The following ACOT7 variants were observed in gnomAD, a reference collection of about 807,000 sequenced individuals.
ACOT7 encodes acyl-CoA thioesterase 7.
In ACOT7, 12 loss-of-function variants were observed where a neutral mutation model predicts 40.2. The observed-to-expected ratio is 0.30, with a 90% CI of 0.19 to 0.48. The LOEUF (loss-of-function observed/expected upper bound fraction) is 0.48, where lower values mean the gene tolerates loss of function less well. Among genes scored for constraint, ACOT7 ranks in the 20% least tolerant of loss-of-function variants. The pLI is 0.99. For missense variants in ACOT7, 395 were observed against 530.8 expected (o/e 0.74, Z 2.51); for synonymous variants, 228 against 219.5 (o/e 1.04, Z -0.34).
chr1:6,271,400 T>C (rs970952443), intron 8 of ACOT7, among the ~76,000 whole-genome samples: 14 of 152,288 alleles, frequency 9.2e-5, no homozygotes, highest in Non-Finnish European at 1.8e-4. Context: ...CTCCCTGTTA[T>C]AACAGGAGAC....
At chr1:6,290,012 T>C (rs544868987) in intron 7 of ACOT7, among the ~76,000 whole-genome samples, 12 of 152,110 alleles carry the variant, frequency 7.9e-5, no homozygotes, top group African/African-American at 2.2e-4. Context: ...GATGGGAAGA[T>C]TGTTCTGGGG....
At chr1:6,272,344 T>C (rs1381343199) in intron 8 of ACOT7, among the ~76,000 whole-genome samples, 1 of 152,252 alleles carries the variant, frequency 6.6e-6, no homozygotes, top group Non-Finnish European at 1.5e-5. Context: ...CCAGTACTTC[T>C]GCTCAATGAA....
At chr1:6,329,988 C>A (rs547004518) in intron 4 of ACOT7, among the ~76,000 whole-genome samples, 15 of 152,252 alleles carry the variant, frequency 9.9e-5, no homozygotes, top group African/African-American at 3.1e-4. Context: ...ACATCCTGCG[C>A]TAGACGACTG....
intron 4 of ACOT7, among the ~76,000 whole-genome samples, chr1:6,328,326 A>G (rs565819628): frequency 1.3e-5 from 2 of 152,270 alleles, no homozygotes; most frequent in East Asian, 3.9e-4. Context: ...AATGAATCAC[A>G]GGGGTTTTGA....
chr1:6,306,357 G>A lies in ACOT7; in HGVS notation c.713-11377C>T. The A allele has an allele frequency of 1.0e-6, 1 of 985,386 alleles. No homozygotes were observed. The highest frequency in any genetic ancestry group is 1.2e-6 in the Non-Finnish European group (1 of 829,922). The allele number at this position is 985,386 out of a possible 1,614,324, so 61.0% of individuals were successfully genotyped here. On this transcript the variant is annotated intron_variant, in intron 6 of 8. Transcript: ENST00000361521. The surrounding 1 kb of genome is among the most constrained non-coding windows in gnomAD (Gnocchi z 4.3). Reference sequence around the variant, plus strand: ...CCACCAGGGACCCGGCTGAGAGGAGGACCCAGTGTGGGCAGGACAAAGTGA... The same window carrying A: ...CCACCAGGGACCCGGCTGAGAGGAGAACCCAGTGTGGGCAGGACAAAGTGA...
intron 5 of ACOT7, among the ~76,000 whole-genome samples, chr1:6,320,198 A>G (rs959430720): frequency 1.3e-5 from 2 of 152,228 alleles, no homozygotes; most frequent in African/African-American, 4.8e-5. Flanking sequence ...GCACACACGA[A>G]GCCCTGTAAA....
intron 6 of ACOT7, among the ~76,000 whole-genome samples, chr1:6,308,628 A>G (rs1407779133): frequency 0.012 from 1,532 of 127,258 alleles, 41 homozygotes; most frequent in African/African-American, 0.048. Flanking sequence ...GAACCACAAC[A>G]GGCAGAAGGA....
chr1:6,355,388 C>T lies in ACOT7; in HGVS notation c.144-5522G>A, dbSNP rs11804316. The stretch of plus-strand genomic sequence containing the variant: ...TATAACGCAGGACATGGGCCAGCGC[C>T]GAGATGTCCACATAAGGACATAAAA... On this transcript the variant is annotated intron_variant, in intron 1 of 8. Transcript: ENST00000361521. This position sits in a 1 kb window ranked among gnomAD's most constrained non-coding sequence, Gnocchi z 5.0. 1.2e-3 allele frequency among the ~76,000 whole-genome samples: 178 copies of T among 152,272 alleles called. 1 individual carries two copies. The highest frequency in any genetic ancestry group is 4.0e-3 in the African/African-American group (168 of 41,564).
In ACOT7 at chr1:6,349,995, G is replaced by A; in HGVS notation, c.144-129C>T. On this transcript the variant is annotated intron_variant, in intron 1 of 8. Transcript: ENST00000361521. ...CCGGAGGAAAGAGAACCTTCCCAAT[G>A]TTTGGGCTCTTCCTAGGTGGTGTGT... is the stretch of plus-strand genomic sequence containing the variant. The A allele has an allele frequency of 4.5e-6, 4 of 892,490 alleles. No individual in the cohort carries two copies. In the South Asian group the frequency reaches 6.2e-5, roughly 14 times the overall value. 55.3% of individuals were successfully genotyped at this position (892,490 alleles called of 1,614,324 possible).
At chr1:6,382,757 G>A (rs567686632) in intron 1 of ACOT7, among the ~76,000 whole-genome samples, 2 of 151,750 alleles carry the variant, frequency 1.3e-5, no homozygotes, top group African/African-American at 2.4e-5. Context: ...CAGTGACCGA[G>A]ACTGCACCAC....
chr1:6,309,577 A>G (rs1049577737), intron 6 of ACOT7, among the ~76,000 whole-genome samples: 3 of 152,174 alleles, frequency 2.0e-5, no homozygotes, highest in African/African-American at 7.2e-5. Flanking sequence ...CGATTTTGAT[A>G]GGAAGTATTC....
rs1342511036 is a variant in ACOT7 at position 6,278,085 on chromosome 1, G to C, written c.1014+3017C>G. ...GTCCACGCAGCGTCTGCAGTGGCGG[G>C]GGGTGGTTGGGAGGGGGTCTGGGGT... On this transcript the variant is annotated intron_variant, in intron 8 of 8. Transcript: ENST00000361521. This position sits in a 1 kb window ranked among gnomAD's most constrained non-coding sequence, Gnocchi z 4.1. Among the ~76,000 whole-genome samples the C allele has an allele frequency of 1.3e-5, 2 of 152,086 alleles. No individual in the cohort carries two copies. Among genetic ancestry groups the C allele is most frequent in the Non-Finnish European group, 2.9e-5 (2 of 68,026 alleles).
intron 7 of ACOT7, among the ~76,000 whole-genome samples, chr1:6,284,796 T>G (rs1639457072): frequency 6.6e-6 from 1 of 152,044 alleles, no homozygotes; most frequent in Non-Finnish European, 1.5e-5. Flanking sequence ...GCCCCTAGCC[T>G]GCCCCCTGCT....
Position 6,322,311 on chromosome 1 carries a change from C to T in ACOT7, c.626-3733G>A, listed in dbSNP as rs560155721. Among the ~76,000 whole-genome samples the T allele has an allele frequency of 1.0e-3, 155 of 152,358 alleles. 1 individual carries two copies. The highest frequency in any genetic ancestry group is 3.6e-3 in the African/African-American group (149 of 41,572). On this transcript the variant is annotated intron_variant, in intron 5 of 8. Coordinates refer to ENST00000361521, the MANE Select transcript of ACOT7 (RefSeq NM_007274.4). Reference sequence around the variant, plus strand: ...AGGAGCTCCTCTACTCTGCTTCTGACTCCATGACATGCTACTTCTCCCACA... The same window carrying T: ...AGGAGCTCCTCTACTCTGCTTCTGATTCCATGACATGCTACTTCTCCCACA...
intron 1 of ACOT7, among the ~76,000 whole-genome samples, chr1:6,371,013 C>G (rs1354676279): frequency 2.6e-5 from 4 of 151,050 alleles, no homozygotes; most frequent in Non-Finnish European, 5.9e-5. Flanking sequence ...GTTTCGCCAT[C>G]TTGGCCAGGC....
rs536396890 is a variant in ACOT7, at chr1:6,305,407, G to A, written c.713-10427C>T. ...CCCCCACCTCCCTCCCAGACGGGGC[G>A]GCTGACCCCCACCTCCCTCCCGGAC... On this transcript the variant is annotated intron_variant, in intron 6 of 8. Coordinates refer to ENST00000361521, the MANE Select transcript of ACOT7 (RefSeq NM_007274.4). Among the ~76,000 whole-genome samples the A allele has an allele frequency of 7.3e-5, 11 of 150,726 alleles. No individual in the cohort carries two copies. In the East Asian group the frequency reaches 1.6e-3, roughly 22 times the overall value.
At position 6,278,367 on chromosome 1, in the gene ACOT7, G is replaced by A. The variant is rs1174959428; in HGVS notation, c.1014+2735C>T. 1.3e-5 allele frequency among the ~76,000 whole-genome samples: 2 copies of A among 152,180 alleles called. No homozygotes were observed. Among genetic ancestry groups the A allele is most frequent in the Non-Finnish European group, 2.9e-5 (2 of 68,034 alleles). On this transcript the variant is annotated intron_variant, in intron 8 of 8. Coordinates refer to ENST00000361521, the MANE Select transcript of ACOT7 (RefSeq NM_007274.4). The surrounding 1 kb of genome is among the most constrained non-coding windows in gnomAD (Gnocchi z 4.1). ...GCTGCAGGGAAGGGTCACATTGAGA[G>A]CACCAGGAACAGAGGAAGGAGCAGC...
chr1:6,289,484 C>T lies in ACOT7; in HGVS notation c.829+5380G>A, dbSNP rs1419383557. Among the ~76,000 whole-genome samples the T allele has an allele frequency of 6.6e-6, 1 of 152,118 alleles. No homozygotes were observed. On this transcript the variant is annotated intron_variant, in intron 7 of 8. Transcript: ENST00000361521. This position sits in a 1 kb window ranked among gnomAD's most constrained non-coding sequence, Gnocchi z 4.6. ...GCACAATCACGGCTCACACTGCAGC[C>T]TCTGCCTCCTGGGCTCATGTGATCC... is the stretch of plus-strand genomic sequence containing the variant.
At chr1:6,363,326 A>G (rs1026702938) in intron 1 of ACOT7, among the ~76,000 whole-genome samples, 1 of 151,908 alleles carries the variant, frequency 6.6e-6, no homozygotes, top group Admixed American at 6.6e-5. Context: ...CCAAAGAAAA[A>G]CACCCGCCAC....
Sources: gnomAD v4.1 joint callset for allele counts (sites outside exome capture counted in the v4.1 genomes callset) on GRCh38, gnomAD v4.1.1 for gene constraint, Gnocchi (gnomAD v3.1) non-coding constraint, MANE v1.5 for transcripts, NCBI Gene and HGNC (gene_info 2026-07-23, HGNC 2026-07-21) for gene names.